Variants in VDAC1 observed in about 807,000 individuals in gnomAD.
VDAC1 encodes the protein non-selective voltage-gated ion channel VDAC1.
VDAC1 carries 10 observed loss-of-function variants against 34.7 expected under a neutral mutation model. The ratio of observed to expected loss-of-function variants is 0.29; its 90% CI spans 0.18 to 0.49. The LOEUF (loss-of-function observed/expected upper bound fraction) is 0.49, where lower values mean the gene tolerates loss of function less well. Among genes scored for constraint, VDAC1 ranks in the 20% least tolerant of loss-of-function variants. The probability of loss-of-function intolerance (pLI) is 0.99; values close to 1 mark genes in which losing one functional copy is unlikely to be tolerated. For missense variants in VDAC1, 230 were observed against 347.9 expected, an observed-to-expected ratio of 0.66 and a Z score of 2.69; for synonymous variants, 130 against 136.0, an observed-to-expected ratio of 0.96 and a Z score of 0.30.
At chr5:134,113,002 C>T in the VDAC1 span, among the ~76,000 whole-genome samples, 1 of 152,188 alleles carries the variant, frequency 6.6e-6, no homozygotes, top group Admixed American at 6.5e-5. Context: ...GATTCCCTTT[C>T]AGCTGTCCCA....
the VDAC1 span, among the ~76,000 whole-genome samples, chr5:134,053,424 C>A: frequency 6.6e-6 from 1 of 152,202 alleles, no homozygotes; most frequent in African/African-American, 2.4e-5. Context: ...GTCAATGGAC[C>A]CATTGCCCAA....
chr5:134,045,337 C>T, the VDAC1 span, among the ~76,000 whole-genome samples: 1 of 152,188 alleles, frequency 6.6e-6, no homozygotes, highest in African/African-American at 2.4e-5. Context: ...GAAAAAGTGC[C>T]ACAAACTTAG....
the VDAC1 span, among the ~76,000 whole-genome samples, chr5:134,060,546 A>T: frequency 4.6e-5 from 7 of 151,916 alleles, no homozygotes; most frequent in Admixed American, 3.3e-4. Context: ...AACACATTGA[A>T]AAGTACAGAA....
At chr5:133,979,986 G>A (rs1752631203) in intron 6 of VDAC1, among the ~76,000 whole-genome samples, 1 of 152,110 alleles carries the variant, frequency 6.6e-6, no homozygotes, top group Non-Finnish European at 1.5e-5. Context: ...GGAAATATTA[G>A]TTTACACATT....
At chr5:134,107,346 G>A in the VDAC1 span, among the ~76,000 whole-genome samples, 1 of 152,232 alleles carries the variant, frequency 6.6e-6, no homozygotes, top group African/African-American at 2.4e-5. Context: ...GCTGCAGCCC[G>A]GCCGGGCCAT....
At chr5:133,994,170 A>G (rs927352991) in intron 1 of VDAC1, among the ~76,000 whole-genome samples, 5 of 152,228 alleles carry the variant, frequency 3.3e-5, no homozygotes, top group African/African-American at 1.2e-4. Context: ...ATGCTTCCAT[A>G]TCATCAATGG....
chr5:134,093,825 G>C, the VDAC1 span, among the ~76,000 whole-genome samples: 1 of 152,200 alleles, frequency 6.6e-6, no homozygotes, highest in African/African-American at 2.4e-5. Flanking sequence ...CTGAGCCCAG[G>C]AAGAAACAGG....
At chr5:134,084,130 A>G in the VDAC1 span, among the ~76,000 whole-genome samples, 3 of 152,264 alleles carry the variant, frequency 2.0e-5, no homozygotes, top group Non-Finnish European at 4.4e-5. Flanking sequence ...ACTTGGCTCA[A>G]ACACAGTGTC....
intron 6 of VDAC1, among the ~76,000 whole-genome samples, chr5:133,980,051 G>A (rs139417114): frequency 6.6e-5 from 10 of 152,282 alleles, no homozygotes; most frequent in African/African-American, 2.4e-4. Context: ...GACCTCTAGT[G>A]GAAAGAAATA....
In VDAC1 at chr5:133,972,617, G is replaced by T. The variant is rs1163109215; in HGVS notation, c.*154C>A. On this transcript the variant is annotated 3_prime_UTR_variant, in exon 9 of 9. Transcript: ENST00000265333. ...TAGGTTTCTTCTGTACCTCTGGAAG[G>T]GTAACATCTTAAAGCTGAATCAACT... The T allele has an allele frequency of 7.7e-6, 5 of 649,534 alleles. No homozygotes were observed. The South Asian group carries it at 9.0e-5, about 12-fold the overall frequency. The allele number at this position is 649,534 out of a possible 1,614,324, so 40.2% of individuals were successfully genotyped here. A position where few individuals can be genotyped will look rare whatever the true frequency, so the allele number is the denominator to read the frequency against.
chr5:134,043,281 G>T, the VDAC1 span, among the ~76,000 whole-genome samples: 2 of 152,176 alleles, frequency 1.3e-5, no homozygotes, highest in Non-Finnish European at 2.9e-5. Context: ...AGTCTCATGT[G>T]AGCTTCACAA....
Position 133,972,399 on chromosome 5 carries a change from T to C in VDAC1, c.*372A>G. 1 of 411,628 alleles carries C rather than the reference T, an allele frequency of 2.4e-6. No individual in the cohort carries two copies. The highest frequency in any genetic ancestry group is 4.3e-6 in the Non-Finnish European group (1 of 233,974). 25.5% of individuals were successfully genotyped at this position (411,628 alleles called of 1,614,324 possible). A position where few individuals can be genotyped will look rare whatever the true frequency, so the allele number is the denominator to read the frequency against. Reference sequence around the variant, plus strand: ...CATCAAGCAGCGAGCCTCTCATCAATTAGGGTTAGGGAACCAAGGTTCGAT... The same window carrying C: ...CATCAAGCAGCGAGCCTCTCATCAACTAGGGTTAGGGAACCAAGGTTCGAT... On this transcript the variant is annotated 3_prime_UTR_variant, in exon 9 of 9. Coordinates refer to ENST00000265333, the MANE Select transcript of VDAC1 (RefSeq NM_003374.3).
At chr5:134,027,622 G>A in the VDAC1 span, among the ~76,000 whole-genome samples, 1 of 152,032 alleles carries the variant, frequency 6.6e-6, no homozygotes, top group African/African-American at 2.4e-5. Flanking sequence ...TCTGAAGAAC[G>A]AGCCACCCAC....
the VDAC1 span, among the ~76,000 whole-genome samples, chr5:134,111,248 A>T: frequency 6.6e-6 from 1 of 152,170 alleles, no homozygotes; most frequent in Non-Finnish European, 1.5e-5. Flanking sequence ...AACAACCCTC[A>T]AGCCTTGGGA....
the VDAC1 span, among the ~76,000 whole-genome samples, chr5:134,098,026 C>T: frequency 3.6e-3 from 550 of 151,650 alleles, no homozygotes; most frequent in African/African-American, 0.012. Flanking sequence ...CCTGCCAGCA[C>T]GCCTGGCTAA....
At chr5:134,083,469 C>G in the VDAC1 span, among the ~76,000 whole-genome samples, 8 of 152,316 alleles carry the variant, frequency 5.3e-5, no homozygotes, top group East Asian at 1.3e-3. Context: ...GGATTACAGG[C>G]ATGAGCCACT....
intron 5 of VDAC1, among the ~76,000 whole-genome samples, chr5:133,986,858 C>T (rs1580718021): frequency 6.6e-6 from 1 of 152,176 alleles, no homozygotes; most frequent in Non-Finnish European, 1.5e-5. Flanking sequence ...AAAAAGCACA[C>T]AGAGTGTATT....
the VDAC1 span, among the ~76,000 whole-genome samples, chr5:134,026,454 G>A: frequency 6.9e-6 from 1 of 145,658 alleles, no homozygotes; most frequent in African/African-American, 2.5e-5. Flanking sequence ...GGTGGAGCTT[G>A]CAGTGAGCCA....
chr5:133,990,733 C>T (rs756506062), intron 5 of VDAC1, 122 bp downstream of exon 5: 43 of 1,156,904 alleles, frequency 3.7e-5, no homozygotes, highest in South Asian at 4.9e-5. Flanking sequence ...GGACTTAAAT[C>T]GCCAGGTCTC....
Sources: allele counts gnomAD v4.1 joint callset (sites outside exome capture counted in the v4.1 genomes callset), GRCh38; gene constraint gnomAD v4.1.1; transcripts MANE v1.5; gene names NCBI Gene and HGNC (gene_info 2026-07-23, HGNC 2026-07-21).